PCDHGB5: variants seen among roughly 807,000 people sequenced by gnomAD.
PCDHGB5 encodes the protein protocadherin gamma subfamily B, 5.
PCDHGB5 carries 48 observed loss-of-function variants against 62.9 expected under a neutral mutation model. That is an observed-to-expected ratio of 0.76 (90% CI 0.61 to 0.97). The LOEUF (loss-of-function observed/expected upper bound fraction) is 0.97, where lower values mean the gene tolerates loss of function less well. Ranked by LOEUF, PCDHGB5 falls within the 50% of genes least tolerant of loss-of-function variation. The pLI, the probability that PCDHGB5 is intolerant of heterozygous loss-of-function variation, is 0.00. For missense variants in PCDHGB5, 1,118 were observed against 1,198.6 expected, an observed-to-expected ratio of 0.93 and a Z score of 0.99; for synonymous variants, 474 against 511.2, an observed-to-expected ratio of 0.93 and a Z score of 0.98.
intron 1 of PCDHGB5, chr5:141,407,920 C>T: frequency 2.1e-6 from 1 of 475,788 alleles, no homozygotes; most frequent in Non-Finnish European, 3.6e-6. Context: ...GCTGCTGTCC[C>T]GCACGGAGCC....
chr5:141,415,660 T>C, intron 1 of PCDHGB5: 2 of 1,583,052 alleles, frequency 1.3e-6, no homozygotes, highest in Non-Finnish European at 8.6e-7. Context: ...AAAGATTGGT[T>C]TTTACTTTGA....
intron 2 of PCDHGB5, among the ~76,000 whole-genome samples, chr5:141,501,966 C>A (rs1046026111): frequency 1.3e-5 from 2 of 152,118 alleles, no homozygotes; most frequent in African/African-American, 4.8e-5. Context: ...ATCCTCCTAA[C>A]CTCTGGCATC....
In PCDHGB5 at chr5:141,477,825, C is replaced by A; in HGVS notation, c.2398-16982C>A. The A allele has an allele frequency of 2.5e-6, 4 of 1,614,174 alleles. No individual in the cohort carries two copies. The South Asian group carries it at 4.4e-5, about 18-fold the overall frequency. On this transcript the variant is annotated intron_variant, in intron 1 of 3. Transcript: ENST00000617380. This position sits in a 1 kb window ranked among gnomAD's most constrained non-coding sequence, Gnocchi z 4.9. ...GACAATGCCCCCCAGGTCCTATATC[C>A]TCGGCCAGGTGGGAGCTCGGTGGAG...
chr5:141,498,531 G>A (rs1384404653), intron 2 of PCDHGB5, among the ~76,000 whole-genome samples: 3 of 148,544 alleles, frequency 2.0e-5, no homozygotes, highest in Non-Finnish European at 4.4e-5. Context: ...CTGCCCTCCA[G>A]CCTGGTCTGG....
chr5:141,426,829 A>G, intron 1 of PCDHGB5: 2 of 456,716 alleles, frequency 4.4e-6, no homozygotes, highest in South Asian at 3.1e-5. Context: ...CTGATGATGG[A>G]CAAGACTAAA....
At chr5:141,414,763 C>G in intron 1 of PCDHGB5, 1 of 1,614,258 alleles carries the variant, frequency 6.2e-7, no homozygotes, top group South Asian at 1.1e-5. Flanking sequence ...TGAGCAGTTT[C>G]ATGAGCTACA....
intron 1 of PCDHGB5, among the ~76,000 whole-genome samples, chr5:141,430,064 A>T (rs1482609618): frequency 6.6e-6 from 1 of 152,190 alleles, no homozygotes; most frequent in Non-Finnish European, 1.5e-5. Flanking sequence ...TATCATTTTT[A>T]GGTTTCCATA....
intron 1 of PCDHGB5, chr5:141,414,787 G>T (rs372484037): frequency 6.2e-7 from 1 of 1,614,230 alleles, no homozygotes; most frequent in Admixed American, 1.7e-5. Context: ...GCAGGTGACA[G>T]CCAGCGACAG....
intron 1 of PCDHGB5, among the ~76,000 whole-genome samples, chr5:141,481,148 C>G (rs2099532606): frequency 6.6e-6 from 1 of 152,176 alleles, no homozygotes; most frequent in Non-Finnish European, 1.5e-5. Context: ...AAGTGTTATT[C>G]TGGTATTTGC....
chr5:141,508,045 T>A (rs985875804), intron 3 of PCDHGB5: 1 of 152,264 alleles, frequency 6.6e-6, no homozygotes, highest in Non-Finnish European at 1.5e-5. Flanking sequence ...GCCAGCTGTG[T>A]TCCAGCTAAT....
chr5:141,433,307 C>A, intron 1 of PCDHGB5: 1 of 913,756 alleles, frequency 1.1e-6, no homozygotes, highest in Non-Finnish European at 1.6e-6. Flanking sequence ...AATTATCCCA[C>A]CTTTGCCTCC....
intron 1 of PCDHGB5, chr5:141,430,690 G>A: frequency 1.4e-6 from 2 of 1,410,426 alleles, no homozygotes; most frequent in Non-Finnish European, 1.9e-6. Flanking sequence ...CCCATTCTAT[G>A]GGCGAAGGAA....
rs141514361 is a variant in PCDHGB5, at chr5:141,494,629, A to G, written c.2398-178A>G. 4,666 of 858,664 alleles carry G rather than the reference A, an allele frequency of 5.4e-3. 23 individuals are homozygous for G. Among genetic ancestry groups the G allele is most frequent in the Admixed American group, 0.011 (170 of 16,094 alleles). 53.2% of individuals were successfully genotyped at this position (858,664 alleles called of 1,614,324 possible). On this transcript the variant is annotated intron_variant, in intron 1 of 3. Coordinates refer to ENST00000617380, the MANE Select transcript of PCDHGB5 (RefSeq NM_018925.3). ...TATCTCTTGGTTTCTGGTACCTCAGACCTCTGAGACCTGAGGTGTATTTTG... is the reference window on the plus strand; with the variant it reads ...TATCTCTTGGTTTCTGGTACCTCAGGCCTCTGAGACCTGAGGTGTATTTTG...
At chr5:141,400,668 G>A in intron 1 of PCDHGB5, 144 bp downstream of exon 1, 3 of 970,702 alleles carry the variant, frequency 3.1e-6, no homozygotes, top group Non-Finnish European at 4.6e-6. Context: ...TCTTTAAGAG[G>A]AGCAGTAAAT....
intron 1 of PCDHGB5, among the ~76,000 whole-genome samples, chr5:141,457,289 G>A (rs907200077): frequency 2.0e-5 from 3 of 152,146 alleles, no homozygotes; most frequent in Non-Finnish European, 4.4e-5. Context: ...GAAGTTCCTT[G>A]GTTTTATTTT....
intron 1 of PCDHGB5, among the ~76,000 whole-genome samples, chr5:141,453,322 G>A (rs897661534): frequency 6.6e-6 from 1 of 151,544 alleles, no homozygotes; most frequent in Non-Finnish European, 1.5e-5. Flanking sequence ...TTTTAGAGAT[G>A]GGGTCTCACT....
chr5:141,494,807 C>A lies in PCDHGB5; in HGVS notation c.2398C>A (p.Gln800Lys), dbSNP rs568448786. Residue 800 changes from glutamine to lysine, a missense_variant and splice_region_variant, in exon 2 of 4, where the codon CAA (glutamine) becomes AAA (lysine). Coordinates refer to ENST00000617380, the MANE Select transcript of PCDHGB5 (RefSeq NM_018925.3). ...CCCTTTCCCTCTGTTTTCTCCACAGCAAGCCCCGCCCAACACGGACTGGCG... is the reference window on the plus strand; with the variant it reads ...CCCTTTCCCTCTGTTTTCTCCACAGAAAGCCCCGCCCAACACGGACTGGCG... ...SSESTSHPEL[Q>K]APPNTDWRFS... The A allele has an allele frequency of 2.5e-5, 40 of 1,614,144 alleles. No individual in the cohort carries two copies. The South Asian group carries it at 4.0e-4, about 16-fold the overall frequency.
chr5:141,428,594 G>A (rs1317075888), intron 1 of PCDHGB5: 4 of 227,916 alleles, frequency 1.8e-5, no homozygotes, highest in African/African-American at 9.1e-5. Context: ...CTGGTAGCAA[G>A]CTTCACTGAA....
At chr5:141,416,497 T>G (rs1426816820) in intron 1 of PCDHGB5, 3 of 152,116 alleles carry the variant, frequency 2.0e-5, no homozygotes, top group Non-Finnish European at 4.4e-5. Context: ...GAGCAAGAGA[T>G]ATATGACAAA....
Sources: allele counts gnomAD v4.1 joint callset (sites outside exome capture counted in the v4.1 genomes callset), GRCh38; gene constraint gnomAD v4.1.1; non-coding constraint Gnocchi (gnomAD v3.1); transcripts MANE v1.5; gene names NCBI Gene and HGNC (gene_info 2026-07-23, HGNC 2026-07-21).